Variants in INPP5D observed in about 807,000 individuals in gnomAD.
The protein encoded by INPP5D is phosphatidylinositol 3,4,5-trisphosphate 5-phosphatase 1.
INPP5D carries 33 observed loss-of-function variants against 122.9 expected under a neutral mutation model. That is an observed-to-expected ratio of 0.27 (90% CI 0.20 to 0.36). The LOEUF is 0.36. Ranked by LOEUF, INPP5D falls within the 10% of genes least tolerant of loss-of-function variation. The pLI is 1.00. For synonymous variants in INPP5D, 584 were observed against 576.2 expected (o/e 1.01, Z -0.19); for missense variants, 1,053 against 1,412.7 (o/e 0.75, Z 4.08).
intron 9 of INPP5D, among the ~76,000 whole-genome samples, chr2:233,157,657 A>G (rs1044660695): frequency 2.3e-3 from 12 of 5,166 alleles, no homozygotes; most frequent in South Asian, 0.033. Context: ...TGTGTGTGTG[A>G]AAGAAATTTC....
chr2:233,170,580 G>C lies in INPP5D; in HGVS notation c.1876G>C (p.Glu626Gln), dbSNP rs774349245. The C allele has an allele frequency of 6.2e-7, 1 of 1,613,544 alleles. No individual in the cohort carries two copies. The highest frequency in any genetic ancestry group is 8.5e-7 in the Non-Finnish European group (1 of 1,179,714). ...SHDQLLTERR[E>Q]QKVFLHFEEE... ...CGACCAGCTGCTCACAGAGAGGAGGGAGCAGAAGGTCTTCCTACACTTCGG... is the reference window on the plus strand; with the variant it reads ...CGACCAGCTGCTCACAGAGAGGAGGCAGCAGAAGGTCTTCCTACACTTCGG... The change falls in exon 16 of 27, where the codon GAG becomes CAG. Residue 626 changes from glutamate to glutamine, a missense_variant. By Grantham distance (29) the Glu-to-Gln change is conservative (BLOSUM62 2). Coordinates refer to ENST00000445964, the MANE Select transcript of INPP5D (RefSeq NM_001017915.3). The surrounding 1 kb of genome is among the most constrained non-coding windows in gnomAD (Gnocchi z 4.5).
At chr2:233,086,154 TTTC>T (rs1691835437) in intron 2 of INPP5D, among the ~76,000 whole-genome samples, 1 of 145,988 alleles carries the variant, frequency 6.8e-6, no homozygotes, top group African/African-American at 2.6e-5. Flanking sequence ...TCTTTCTTTC[TTTC>T]TTTCTTTCTT....
intron 1 of INPP5D, among the ~76,000 whole-genome samples, chr2:233,067,555 T>C (rs1213528780): frequency 6.6e-6 from 1 of 152,260 alleles, no homozygotes; most frequent in Non-Finnish European, 1.5e-5. Flanking sequence ...CTTGGGTCTA[T>C]ATCTAGGAGC....
intron 3 of INPP5D, among the ~76,000 whole-genome samples, chr2:233,124,803 T>A (rs1693104580): frequency 6.6e-6 from 1 of 152,258 alleles, no homozygotes; most frequent in African/African-American, 2.4e-5. Flanking sequence ...TCATGACTGC[T>A]GGCTTCACTT....
chr2:233,108,858 G>C (rs149285993), intron 2 of INPP5D, among the ~76,000 whole-genome samples: 12 of 152,308 alleles, frequency 7.9e-5, no homozygotes, highest in Non-Finnish European at 1.5e-4. Flanking sequence ...TCCCAGCCTA[G>C]GGCTCTGTGC....
At chr2:233,112,958 G>A (rs1046576446) in intron 2 of INPP5D, among the ~76,000 whole-genome samples, 5 of 152,022 alleles carry the variant, frequency 3.3e-5, no homozygotes, top group Non-Finnish European at 5.9e-5. Context: ...GCACCTGACC[G>A]GTATTTACCT....
intron 9 of INPP5D, among the ~76,000 whole-genome samples, chr2:233,151,228 C>T (rs1243519586): frequency 6.6e-6 from 1 of 152,088 alleles, no homozygotes; most frequent in East Asian, 1.9e-4. Context: ...TTCTTAGCTA[C>T]TTGGGAGGCT....
rs535937185 is a variant in INPP5D, at chr2:233,196,246, C to T, written c.2693+751C>T. Among the ~76,000 whole-genome samples, 64 of 152,286 alleles carry T rather than the reference C, an allele frequency of 4.2e-4. 1 individual carries two copies. In the South Asian group the frequency reaches 7.5e-3, roughly 18 times the overall value. ...AGCTCCAGCCCAGGAGAGGTGCTCT[C>T]CTGCCTCCTCTGCGAGTCTGTTGAC... On this transcript the variant is annotated intron_variant, in intron 24 of 26. Coordinates refer to ENST00000445964, the MANE Select transcript of INPP5D (RefSeq NM_001017915.3).
intron 14 of INPP5D, 149 bp downstream of exon 14, chr2:233,169,550 C>T (rs928649993): frequency 1.4e-5 from 17 of 1,230,948 alleles, no homozygotes; most frequent in Non-Finnish European, 1.9e-5. Flanking sequence ...ACAGTCTCAT[C>T]AAAGGCAACT....
At chr2:233,136,173 C>A (rs1003320978) in intron 5 of INPP5D, among the ~76,000 whole-genome samples, 8 of 152,180 alleles carry the variant, frequency 5.3e-5, no homozygotes, top group Non-Finnish European at 1.2e-4. Flanking sequence ...AAGTTCTGCT[C>A]TATTATTAAA....
At chr2:233,131,226 A>G (rs1424032296) in intron 5 of INPP5D, 2 of 603,912 alleles carry the variant, frequency 3.3e-6, no homozygotes, top group Non-Finnish European at 4.1e-6. Context: ...AATTGATGAA[A>G]GTTAATTTCA....
At chr2:233,184,113 G>A (rs550177580) in intron 19 of INPP5D, among the ~76,000 whole-genome samples, 1 of 152,122 alleles carries the variant, frequency 6.6e-6, no homozygotes, top group Non-Finnish European at 1.5e-5. Flanking sequence ...TGAAATAGTG[G>A]GGGTATTGCC....
At chr2:233,190,266 T>C (rs1695018395) in intron 22 of INPP5D, among the ~76,000 whole-genome samples, 1 of 152,164 alleles carries the variant, frequency 6.6e-6, no homozygotes, top group Non-Finnish European at 1.5e-5. Flanking sequence ...CTCAGAAAGA[T>C]CAAGTGACTT....
intron 1 of INPP5D, among the ~76,000 whole-genome samples, chr2:233,062,506 G>A (rs575241224): frequency 1.3e-5 from 2 of 152,334 alleles, no homozygotes; most frequent in African/African-American, 4.8e-5. Context: ...GCCAGTTCTC[G>A]TATTCCTTCC....
At chr2:233,103,200 C>T (rs934341247) in intron 2 of INPP5D, among the ~76,000 whole-genome samples, 2 of 152,180 alleles carry the variant, frequency 1.3e-5, no homozygotes, top group East Asian at 3.9e-4. Context: ...TCCACTGTCC[C>T]AGTGATGGGC....
At chr2:233,089,659 T>A (rs541833094) in intron 2 of INPP5D, among the ~76,000 whole-genome samples, 1 of 152,342 alleles carries the variant, frequency 6.6e-6, no homozygotes, top group South Asian at 2.1e-4. Flanking sequence ...TAGCCGTATG[T>A]CCTGACTATA....
chr2:233,152,519 C>A (rs1488332468), intron 9 of INPP5D, among the ~76,000 whole-genome samples: 1 of 152,168 alleles, frequency 6.6e-6, no homozygotes, highest in Admixed American at 6.5e-5. Context: ...AACAAACACA[C>A]AAATATACAA....
At chr2:233,161,450 T>C (rs1474673164) in intron 10 of INPP5D, among the ~76,000 whole-genome samples, 1 of 152,162 alleles carries the variant, frequency 6.6e-6, no homozygotes, top group Non-Finnish European at 1.5e-5. Context: ...TTCTGATTTT[T>C]TTCTGTGCTG....
At chr2:233,152,347 A>G (rs1043599948) in intron 9 of INPP5D, among the ~76,000 whole-genome samples, 1 of 152,226 alleles carries the variant, frequency 6.6e-6, no homozygotes, top group Non-Finnish European at 1.5e-5. Flanking sequence ...ATGGTCTTCT[A>G]CACATAGGAA....
Sources: gnomAD v4.1 joint callset for allele counts (sites outside exome capture counted in the v4.1 genomes callset) on GRCh38, gnomAD v4.1.1 for gene constraint, Gnocchi (gnomAD v3.1) non-coding constraint, MANE v1.5 for transcripts, NCBI Gene and HGNC (gene_info 2026-07-23, HGNC 2026-07-21) for gene names.